The following EPCIP variants were observed in gnomAD, a reference collection of about 807,000 sequenced individuals.
EPCIP encodes the protein exosomal polycystin 1 interacting protein.
the EPCIP span, among the ~76,000 whole-genome samples, chr21:32,804,070 G>C: frequency 1.3e-5 from 2 of 152,162 alleles, no homozygotes; most frequent in Non-Finnish European, 2.9e-5. Context: ...CCATAAGTTG[G>C]AATTATGCAG....
chr21:32,793,974 A>G, the EPCIP span: 12 of 1,614,054 alleles, frequency 7.4e-6, no homozygotes, highest in African/African-American at 1.5e-4. Flanking sequence ...TTCTCTCTGG[A>G]GTCACTGTCC....
At chr21:32,809,279 C>CCTTTCTTTCTTT in the EPCIP span, among the ~76,000 whole-genome samples, 1,033 of 79,976 alleles carry the variant, frequency 0.013, 17 homozygotes, top group East Asian at 0.019. Context: ...CTCCCTCCTT[C>CCTTTCTTTCTTT]CTTTCTTTCT....
the EPCIP span, among the ~76,000 whole-genome samples, chr21:32,808,388 G>A: frequency 1.3e-5 from 2 of 151,850 alleles, no homozygotes; most frequent in East Asian, 1.9e-4. Flanking sequence ...CTTAACAGTC[G>A]TGCCCTTCTT....
chr21:32,792,350 A>T, the EPCIP span, among the ~76,000 whole-genome samples: 58 of 152,346 alleles, frequency 3.8e-4, 1 homozygote, highest in South Asian at 0.012. Flanking sequence ...TTGCAATCTT[A>T]ACCTTCCAAA....
the EPCIP span, among the ~76,000 whole-genome samples, chr21:32,811,982 C>T: frequency 6.6e-5 from 10 of 152,174 alleles, no homozygotes; most frequent in African/African-American, 2.4e-4. Flanking sequence ...GATGCAGGCC[C>T]CTTGACCTTG....
At chr21:32,792,857 C>A in the EPCIP span, among the ~76,000 whole-genome samples, 1 of 152,152 alleles carries the variant, frequency 6.6e-6, no homozygotes, top group East Asian at 1.9e-4. Context: ...TGCATCTATT[C>A]TTAGCAAGGT....
the EPCIP span, among the ~76,000 whole-genome samples, chr21:32,803,155 C>G: frequency 2.0e-5 from 3 of 152,182 alleles, no homozygotes; most frequent in Non-Finnish European, 4.4e-5. Flanking sequence ...CTCTTAACTC[C>G]CTGATCATCC....
the EPCIP span, among the ~76,000 whole-genome samples, chr21:32,803,036 G>A: frequency 2.6e-5 from 4 of 152,184 alleles, no homozygotes; most frequent in African/African-American, 9.7e-5. Context: ...GCCTCTGGGT[G>A]GCTTCATCAG....
At chr21:32,793,993 A>T in the EPCIP span, 1 of 1,614,188 alleles carries the variant, frequency 6.2e-7, no homozygotes, top group Non-Finnish European at 8.5e-7. Context: ...CCCCACCGCT[A>T]TGGATGAGTA....
the EPCIP span, among the ~76,000 whole-genome samples, chr21:32,813,414 T>C: frequency 1.3e-5 from 2 of 152,178 alleles, no homozygotes; most frequent in African/African-American, 4.8e-5. Flanking sequence ...TGTTTCATAG[T>C]GAAAGCCACT....
chr21:32,798,424 G>GA, the EPCIP span: 1 of 152,336 alleles, frequency 6.6e-6, no homozygotes, highest in African/African-American at 2.4e-5. Flanking sequence ...GACAGAGGGA[G>GA]GGATGATATG....
the EPCIP span, chr21:32,798,328 C>T: frequency 6.6e-6 from 1 of 152,278 alleles, no homozygotes; most frequent in Non-Finnish European, 1.5e-5. Context: ...AATAGGGACA[C>T]AAGTGCAGGT....
chr21:32,802,553 G>A, the EPCIP span, among the ~76,000 whole-genome samples: 3 of 152,218 alleles, frequency 2.0e-5, no homozygotes, highest in Non-Finnish European at 4.4e-5. Flanking sequence ...GTTTTCTTTT[G>A]TATTTTCCTC....
At chr21:32,803,966 G>A in the EPCIP span, among the ~76,000 whole-genome samples, 39 of 152,006 alleles carry the variant, frequency 2.6e-4, no homozygotes, top group African/African-American at 7.7e-4. Flanking sequence ...TGATGTGATC[G>A]GAATCTCATT....
At chr21:32,797,760 C>A in the EPCIP span, 1 of 152,076 alleles carries the variant, frequency 6.6e-6, no homozygotes, top group Admixed American at 6.6e-5. Context: ...CCAATTAAGA[C>A]TCACTTGGGT....
the EPCIP span, among the ~76,000 whole-genome samples, chr21:32,799,551 C>T: frequency 1.3e-5 from 2 of 152,212 alleles, no homozygotes; most frequent in Non-Finnish European, 2.9e-5. Context: ...ATACTTGAGA[C>T]TGCTTCTTGC....
chr21:32,806,005 G>A, the EPCIP span, among the ~76,000 whole-genome samples: 1 of 152,132 alleles, frequency 6.6e-6, no homozygotes. Flanking sequence ...GAGCGAAGAC[G>A]ATATGGGAGG....
the EPCIP span, chr21:32,797,164 A>T: frequency 3.1e-6 from 1 of 326,820 alleles, no homozygotes; most frequent in Non-Finnish European, 6.3e-6. Flanking sequence ...GCTCACTAAG[A>T]GGGCACCAAG....
At chr21:32,808,724 A>T in the EPCIP span, among the ~76,000 whole-genome samples, 1 of 152,220 alleles carries the variant, frequency 6.6e-6, no homozygotes, top group East Asian at 1.9e-4. Context: ...ACTTTATTTT[A>T]TAATAATAAT....
Sources: gnomAD v4.1 joint callset for allele counts (sites outside exome capture counted in the v4.1 genomes callset) on GRCh38, gnomAD v4.1.1 for gene constraint, MANE v1.5 for transcripts, NCBI Gene and HGNC (gene_info 2026-07-23, HGNC 2026-07-21) for gene names.